RPS3: variants seen among roughly 807,000 people sequenced by gnomAD.
RPS3 encodes small ribosomal subunit protein uS3.
Under a neutral mutation model 25.8 loss-of-function variants are expected in RPS3, and 2 were observed. The ratio of observed to expected loss-of-function variants is 0.08; its 90% CI spans 0.03 to 0.24. The LOEUF (loss-of-function observed/expected upper bound fraction) is 0.24. RPS3 is among the 10% of genes least tolerant of loss of function. The probability of loss-of-function intolerance (pLI) is 1.00; values close to 1 mark genes in which losing one functional copy is unlikely to be tolerated. For synonymous variants in RPS3, 114 were observed against 114.2 expected (o/e 1.00, Z 0.01); for missense variants, 107 against 307.1 (o/e 0.35, Z 4.87).
At chr11:75,399,732 G>C in intron 1 of RPS3, 155 bp downstream of exon 1, 1 of 656,244 alleles carries the variant, frequency 1.5e-6, no homozygotes, top group South Asian at 1.9e-5. Flanking sequence ...GGTGGATTGA[G>C]TGAGAGGCCC....
Position 75,400,688 on chromosome 11 carries a change from G to A in RPS3, c.31-6G>A. ...CTAATTTTGAACTTTGCTTTGTTTG[G>A]ATTAGTTTGTCGCTGATGGCATCTT... On this transcript the variant is annotated splice_region_variant and splice_polypyrimidine_tract_variant and intron_variant, in intron 1 of 6. Transcript: ENST00000531188. The A allele has an allele frequency of 1.2e-6, 2 of 1,611,372 alleles. No individual in the cohort carries two copies. Among genetic ancestry groups the A allele is most frequent in the Non-Finnish European group, 1.7e-6 (2 of 1,178,128 alleles).
At chr11:75,409,951 C>A (rs1948330278), downstream of RPS3, among the ~76,000 whole-genome samples, 2 of 145,456 alleles carry the variant, frequency 1.4e-5, no homozygotes, top group South Asian at 2.2e-4. Flanking sequence ...CTGACCCCCC[C>A]ACCTCCCTCC....
chr11:75,410,034 A>C (rs1257514328), downstream of RPS3, among the ~76,000 whole-genome samples: 3 of 113,224 alleles, frequency 2.6e-5, no homozygotes, highest in Admixed American at 8.8e-5. Flanking sequence ...GGCGCCCCTC[A>C]CCTCCCGGAC....
rs1948228250 is a variant in RPS3, at chr11:75,402,622, A to G, written c.350+176A>G. On this transcript the variant is annotated intron_variant, in intron 4 of 6. Transcript: ENST00000531188. Reference sequence around the variant, plus strand: ...GAACTGGCAGGCTAACAAGACTACTAAAGCAGCAAGAACTGTAAAGGGTGG... The same window carrying G: ...GAACTGGCAGGCTAACAAGACTACTGAAGCAGCAAGAACTGTAAAGGGTGG... The G allele has an allele frequency of 6.8e-6, 4 of 587,794 alleles. No homozygotes were observed. The Admixed American group carries it at 1.3e-4, about 19-fold the overall frequency. The allele number at this position is 587,794 out of a possible 1,614,324, so 36.4% of individuals were successfully genotyped here.
intron 3 of RPS3, chr11:75,402,046 G>A (rs993631392): frequency 3.7e-6 from 2 of 545,440 alleles, no homozygotes; most frequent in East Asian, 6.1e-5. Flanking sequence ...GGTGGTAGAA[G>A]TGCTTTAGGA....
chr11:75,415,301 G>A (rs1179807296), intron 6 of RPS3, among the ~76,000 whole-genome samples: 1 of 152,202 alleles, frequency 6.6e-6, no homozygotes, highest in Non-Finnish European at 1.5e-5. Flanking sequence ...GGAGTTAAAG[G>A]AGATGTAACT....
chr11:75,416,483 CAA>C (rs1310055733), intron 6 of RPS3, among the ~76,000 whole-genome samples: 4 of 114,210 alleles, frequency 3.5e-5, no homozygotes, highest in African/African-American at 1.4e-4. Flanking sequence ...TTTTTTGAGA[CAA>C]AGTCTCACTG....
At chr11:75,421,736 T>C (rs1222124108) in exon 7 of RPS3, 1 of 152,202 alleles carries the variant, frequency 6.6e-6, no homozygotes, top group African/African-American at 2.4e-5. Flanking sequence ...GCCTCTTCCA[T>C]GAGTGGGGAG....
chr11:75,419,553 C>G (rs183692611), intron 6 of RPS3, among the ~76,000 whole-genome samples: 12 of 144,188 alleles, frequency 8.3e-5, no homozygotes, highest in African/African-American at 3.1e-4. Context: ...GACTCCTTCT[C>G]AAACAAAAAA....
In RPS3 at chr11:75,418,503, T is replaced by A. The variant is rs188662532; in HGVS notation, c.*4-3224T>A. 4.3e-3 allele frequency among the ~76,000 whole-genome samples: 662 copies of A among 152,270 alleles called. 10 individuals are homozygous for A. The highest frequency in any genetic ancestry group is 0.015 in the African/African-American group (628 of 41,552). On this transcript the variant is annotated intron_variant, in intron 6 of 6. Transcript: ENST00000527446. ...GGTAGGGAAAAAAAAGGTAAAAAAA[T>A]TTTTTAAAAAATAAAGTACAGGATG...
At chr11:75,411,078 A>G (rs183677861), downstream of RPS3, among the ~76,000 whole-genome samples, 1,467 of 152,092 alleles carry the variant, frequency 9.6e-3, 25 homozygotes, top group African/African-American at 0.034. Flanking sequence ...GGGTTTCACC[A>G]TGTTAGCCAG....
chr11:75,400,763 T>C lies in RPS3; in HGVS notation c.100T>C (p.Tyr34His), dbSNP rs765478023. ...FLTRELAEDG[Y>H]SGVEVRVTPT... is the part of the protein sequence containing the mutation. ...TACTCGGGAGCTGGCTGAAGATGGC[T>C]ACTCTGGAGTTGAGGTGCGAGTTAC... is the stretch of plus-strand genomic sequence containing the variant. Residue 34 changes from tyrosine (Y) to histidine (H), a missense_variant, in exon 2 of 7, where the codon TAC becomes CAC. Around this residue, in one of 2 missense-constraint regions of RPS3, gnomAD observed 81 missense variants for 286.8 expected, o/e 0.28. Transcript: ENST00000531188. The C allele has an allele frequency of 6.2e-7, 1 of 1,613,138 alleles. No individual in the cohort carries two copies. The highest frequency in any genetic ancestry group is 8.5e-7 in the Non-Finnish European group (1 of 1,179,900).
At chr11:75,402,114 T>TCC (rs1352777085) in intron 3 of RPS3, 5 of 583,122 alleles carry the variant, frequency 8.6e-6, no homozygotes, top group Non-Finnish European at 1.2e-5. Context: ...TCTTTTGGCC[T>TCC]CCGTAGGCTA....
At chr11:75,409,182 T>C (rs916265434), downstream of RPS3, among the ~76,000 whole-genome samples, 12 of 141,124 alleles carry the variant, frequency 8.5e-5, no homozygotes, top group Non-Finnish European at 4.7e-5. Flanking sequence ...ATTATTATTA[T>C]TTATTTATTT....
intron 4 of RPS3, chr11:75,402,933 G>C (rs1363289120): frequency 3.3e-5 from 5 of 152,620 alleles, no homozygotes; most frequent in African/African-American, 1.2e-4. Flanking sequence ...ATTGTGAAGA[G>C]ATAAGATAGA....
Position 75,400,671 on chromosome 11 carries a change from G to T in RPS3, c.31-23G>T. The T allele has an allele frequency of 1.9e-6, 3 of 1,608,734 alleles. No individual in the cohort carries two copies. In the South Asian group the frequency reaches 3.3e-5, roughly 18 times the overall value. ...GAGCCTACACCGATCTCCTAATTTT[G>T]AACTTTGCTTTGTTTGGATTAGTTT... On this transcript the variant is annotated intron_variant, in intron 1 of 6. Coordinates refer to ENST00000531188, the MANE Select transcript of RPS3 (RefSeq NM_001005.5).
At chr11:75,409,176 TTA>T (rs1948318333), downstream of RPS3, among the ~76,000 whole-genome samples, 2 of 149,682 alleles carry the variant, frequency 1.3e-5, no homozygotes, top group African/African-American at 5.0e-5. Flanking sequence ...TTTATTATTA[TTA>T]TTATTTATTT....
At chr11:75,408,339 C>T (rs977055471), downstream of RPS3, among the ~76,000 whole-genome samples, 15 of 151,992 alleles carry the variant, frequency 9.9e-5, no homozygotes, top group Admixed American at 3.9e-4. Context: ...CCTGTCTCTA[C>T]GAAGAGATTT....
downstream of RPS3, among the ~76,000 whole-genome samples, chr11:75,411,342 C>G (rs1948354436): frequency 6.6e-6 from 1 of 151,646 alleles, no homozygotes; most frequent in Admixed American, 6.6e-5. Context: ...AATTGCCTCC[C>G]TAGACAGTAT....
Sources: allele counts gnomAD v4.1 joint callset (sites outside exome capture counted in the v4.1 genomes callset), GRCh38; gene constraint gnomAD v4.1.1; regional missense constraint gnomAD v4.1.1; transcripts MANE v1.5; gene names NCBI Gene and HGNC (gene_info 2026-07-23, HGNC 2026-07-21).